NUP214: variants seen among roughly 807,000 people sequenced by gnomAD.
NUP214 encodes the protein nuclear pore complex protein Nup214.
Under a neutral mutation model 196.2 loss-of-function variants are expected in NUP214, and 79 were observed. The observed-to-expected ratio is 0.40, with a 90% CI of 0.34 to 0.49. NUP214 has a LOEUF of 0.49. Among genes scored for constraint, NUP214 ranks in the 20% least tolerant of loss-of-function variants. The pLI is 0.58. For missense variants in NUP214, 2,468 were observed against 2,539.0 expected (o/e 0.97, Z 0.60); for synonymous variants, 1,020 against 990.5 (o/e 1.03, Z -0.56).
At chr9:131,168,870 C>T (rs116022001) in intron 21 of NUP214, among the ~76,000 whole-genome samples, 45 of 151,886 alleles carry the variant, frequency 3.0e-4, no homozygotes, top group Non-Finnish European at 4.0e-4. Flanking sequence ...TATTATAAAT[C>T]GTTTATCCCT....
intron 34 of NUP214, 55 bp downstream of exon 34, chr9:131,230,824 C>G: frequency 6.4e-7 from 1 of 1,567,278 alleles, no homozygotes; most frequent in South Asian, 1.1e-5. Context: ...CTTGCCTTCT[C>G]CCCCAAAGAA....
intron 17 of NUP214, among the ~76,000 whole-genome samples, chr9:131,154,209 C>T (rs1305900763): frequency 6.6e-6 from 1 of 152,080 alleles, no homozygotes; most frequent in East Asian, 1.9e-4. Context: ...CCCTTATCCA[C>T]AAAATAATTT....
chr9:131,178,551 T>A, intron 24 of NUP214, 141 bp downstream of exon 24: 2 of 617,946 alleles, frequency 3.2e-6, no homozygotes, highest in Non-Finnish European at 2.9e-6. Flanking sequence ...CGGCTAAGCC[T>A]GCCTACACAA....
chr9:131,150,007 C>T (rs1564185778), intron 14 of NUP214: 1 of 193,314 alleles, frequency 5.2e-6, no homozygotes, highest in East Asian at 1.2e-4. Context: ...TGAAGTAGTG[C>T]CCTTTTTTAT....
chr9:131,141,477 AC>A (rs1831912747), intron 11 of NUP214, among the ~76,000 whole-genome samples: 1 of 125,230 alleles, frequency 8.0e-6, no homozygotes, highest in African/African-American at 3.1e-5. Flanking sequence ...GTGAAAAGAA[AC>A]TTTTTTTTTT....
chr9:131,208,041 G>A (rs927679210), intron 30 of NUP214, among the ~76,000 whole-genome samples: 1 of 152,112 alleles, frequency 6.6e-6, no homozygotes, highest in Admixed American at 6.5e-5. Context: ...ACACCCCCTA[G>A]GATGGCTATC....
At position 131,228,295 on chromosome 9, in the gene NUP214, G is replaced by T. The variant is rs1564222600; in HGVS notation, c.6038G>T (p.Gly2013Val). 3 of 1,603,126 alleles carry T rather than the reference G, an allele frequency of 1.9e-6. No individual in the cohort carries two copies. The highest frequency in any genetic ancestry group is 2.6e-6 in the Non-Finnish European group (3 of 1,176,174). Residue 2013 changes from glycine to valine, a missense_variant, in exon 33 of 36, where the codon GGA (glycine) becomes GTA (valine). Physicochemically the swap from Gly to Val is moderately radical, Grantham distance 109 (BLOSUM62 -3). Around this residue, in one of 5 missense-constraint regions of NUP214, gnomAD observed 262 missense variants for 296.5 expected, o/e 0.88. Coordinates refer to ENST00000359428, the MANE Select transcript of NUP214 (RefSeq NM_005085.4). ...PLGSTGGKVF[G>V]EGTAAASAGG... ...GGCTCGACGGGAGGCAAAGTGTTCG[G>T]AGAGGGCACTGCAGCTGCCAGCGCA... is the stretch of plus-strand genomic sequence containing the variant.
At chr9:131,204,863 A>C (rs1418960144) in intron 30 of NUP214, among the ~76,000 whole-genome samples, 1 of 152,234 alleles carries the variant, frequency 6.6e-6, no homozygotes, top group Non-Finnish European at 1.5e-5. Context: ...ACTGAAGAAC[A>C]CCAAAGATGA....
chr9:131,156,273 C>T (rs554766193), intron 17 of NUP214, among the ~76,000 whole-genome samples: 1 of 151,990 alleles, frequency 6.6e-6, no homozygotes, highest in Admixed American at 6.6e-5. Flanking sequence ...GCTGGAACTA[C>T]AGGCGCCTGC....
At chr9:131,175,758 C>A in intron 23 of NUP214, 137 bp downstream of exon 23, 1 of 1,282,922 alleles carries the variant, frequency 7.8e-7, no homozygotes, top group Non-Finnish European at 1.0e-6. Flanking sequence ...ACAGCCCTCT[C>A]CCCTTTGTGG....
intron 21 of NUP214, chr9:131,167,483 T>G (rs1434788708): frequency 1.3e-5 from 2 of 152,258 alleles, no homozygotes; most frequent in African/African-American, 4.8e-5. Flanking sequence ...TACTTTTCAT[T>G]TGGTTACATA....
intron 9 of NUP214, 62 bp from the exon 10 acceptor site, chr9:131,139,219 A>G: frequency 7.0e-7 from 1 of 1,420,470 alleles, no homozygotes; most frequent in Admixed American, 3.1e-5. Flanking sequence ...GCAAAGCTCT[A>G]ACCAACATGG....
In NUP214 at chr9:131,233,784, A is replaced by T; in HGVS notation, c.*297A>T. The T allele has an allele frequency of 2.2e-6, 1 of 465,028 alleles. No individual in the cohort carries two copies. Among genetic ancestry groups the T allele is most frequent in the Non-Finnish European group, 4.0e-6 (1 of 247,740 alleles). The allele number at this position is 465,028 out of a possible 1,614,324, so 28.8% of individuals were successfully genotyped here. ...GCTCTGAGAAGCCAGCAGAGCCTCC[A>T]TCAGCCAGAACACTGTGTCTTCAAG... is the stretch of plus-strand genomic sequence containing the variant. On this transcript the variant is annotated 3_prime_UTR_variant, in exon 36 of 36. Coordinates refer to ENST00000359428, the MANE Select transcript of NUP214 (RefSeq NM_005085.4).
intron 27 of NUP214, among the ~76,000 whole-genome samples, chr9:131,193,500 A>G (rs1833671323): frequency 6.6e-6 from 1 of 151,822 alleles, no homozygotes; most frequent in South Asian, 2.1e-4. Flanking sequence ...ATTATAAATC[A>G]TTATGTTTTA....
chr9:131,196,459 C>A (rs191691833), intron 28 of NUP214, among the ~76,000 whole-genome samples: 22 of 152,310 alleles, frequency 1.4e-4, no homozygotes, highest in Non-Finnish European at 1.8e-4. Flanking sequence ...CCACGCCCGG[C>A]CTCGTTACTC....
chr9:131,148,044 G>A lies in NUP214; in HGVS notation c.2040+460G>A, dbSNP rs375815706. Among the ~76,000 whole-genome samples the A allele has an allele frequency of 2.7e-3, 405 of 152,308 alleles. 5 individuals are homozygous for A. The highest frequency in any genetic ancestry group is 8.0e-3 in the African/African-American group (332 of 41,576). ...TCTACTAAAAACGCAAAAATTAGCC[G>A]GGCGTGGTGGCACGTACTTGTAGTC... On this transcript the variant is annotated intron_variant, in intron 14 of 35. Transcript: ENST00000359428.
intron 26 of NUP214, chr9:131,190,043 T>C (rs1316685290): frequency 1.6e-5 from 3 of 182,180 alleles, no homozygotes; most frequent in Admixed American, 6.2e-5. Context: ...TCTGATTGGA[T>C]ACTGGATTTA....
At chr9:131,130,678 A>C in intron 4 of NUP214, 88 bp from the exon 5 acceptor site, 2 of 1,181,986 alleles carry the variant, frequency 1.7e-6, no homozygotes, top group Non-Finnish European at 2.5e-6. Flanking sequence ...TGACAGAGGA[A>C]TGAGAATTGA....
At chr9:131,145,872 T>A (rs1832074221) in intron 12 of NUP214, among the ~76,000 whole-genome samples, 4 of 152,238 alleles carry the variant, frequency 2.6e-5, no homozygotes, top group Admixed American at 1.3e-4. Context: ...GTATTTCATA[T>A]TGTGATAAAC....
Sources: gnomAD v4.1 joint callset for allele counts (sites outside exome capture counted in the v4.1 genomes callset) on GRCh38, gnomAD v4.1.1 for gene constraint, gnomAD v4.1.1 regional missense constraint, MANE v1.5 for transcripts, NCBI Gene and HGNC (gene_info 2026-07-23, HGNC 2026-07-21) for gene names.